Variants in EHHADH observed in about 807,000 individuals in gnomAD.
EHHADH encodes peroxisomal bifunctional enzyme.
A neutral mutation model predicts 64.4 loss-of-function variants in EHHADH; 48 were observed. The observed-to-expected ratio is 0.75, with a 90% confidence interval of 0.59 to 0.95. The LOEUF (loss-of-function observed/expected upper bound fraction) is 0.95. EHHADH is among the 40% of genes least tolerant of loss of function. The pLI, the probability that EHHADH is intolerant of heterozygous loss-of-function variation, is 0.00. For synonymous variants in EHHADH, 308 were observed against 326.7 expected, an observed-to-expected ratio of 0.94 and a Z score of 0.62; for missense variants, 854 against 876.6, an observed-to-expected ratio of 0.97 and a Z score of 0.33.
chr3:185,238,086 C>T (rs1719347164), intron 2 of EHHADH, among the ~76,000 whole-genome samples: 1 of 152,034 alleles, frequency 6.6e-6, no homozygotes, highest in Admixed American at 6.6e-5. Flanking sequence ...GGATAATGGC[C>T]TAAGGAAAGA....
At chr3:185,245,957 CCTGT>C in intron 2 of EHHADH, 1 of 1,491,746 alleles carries the variant, frequency 6.7e-7, no homozygotes, top group South Asian at 1.1e-5. Flanking sequence ...CCAAGCAGGG[CCTGT>C]CTGATTACTG....
In EHHADH at chr3:185,235,296, G is replaced by T; in HGVS notation, c.345C>A (p.His115Gln). Residue 115 changes from histidine to glutamine, a missense_variant, in exon 3 of 7, where the codon CAC becomes CAA. By Grantham distance (24) the His-to-Gln change is conservative. Transcript: ENST00000231887. ...LALGCHYRIA[H>Q]AEAQVGLPEV... is the part of the protein sequence containing the mutation. ...ATAGAGCCTTGGTTGTTACCTCTGC[G>T]TGGGCAATCCTATAGTGACAGCCCA... 1 of 1,610,374 alleles carries T rather than the reference G, an allele frequency of 6.2e-7. No homozygotes were observed. The highest frequency in any genetic ancestry group is 8.5e-7 in the Non-Finnish European group (1 of 1,178,412).
At chr3:185,229,610 T>A in intron 3 of EHHADH, 67 bp from the exon 4 acceptor site, 2 of 961,622 alleles carry the variant, frequency 2.1e-6, no homozygotes, top group Non-Finnish European at 2.9e-6. Context: ...AGGCAAGCGT[T>A]TCCCTGGATT....
chr3:185,214,767 G>C (rs1718638684), intron 5 of EHHADH, among the ~76,000 whole-genome samples: 1 of 152,134 alleles, frequency 6.6e-6, no homozygotes, highest in East Asian at 1.9e-4. Flanking sequence ...TAGCTGAATG[G>C]AGTCAGTTCA....
intron 5 of EHHADH, among the ~76,000 whole-genome samples, chr3:185,213,535 G>A (rs1204147404): frequency 6.6e-6 from 1 of 152,074 alleles, no homozygotes; most frequent in Non-Finnish European, 1.5e-5. Context: ...TTTCCTTCAA[G>A]TTAATCCATC....
intron 2 of EHHADH, among the ~76,000 whole-genome samples, chr3:185,236,188 C>A (rs866210589): frequency 6.6e-6 from 1 of 152,118 alleles, no homozygotes; most frequent in Admixed American, 6.5e-5. Context: ...CATGTGTGAG[C>A]GAGCATTACA....
At chr3:185,214,093 C>T (rs538453169) in intron 5 of EHHADH, among the ~76,000 whole-genome samples, 3 of 152,058 alleles carry the variant, frequency 2.0e-5, no homozygotes, top group Admixed American at 2.0e-4. Context: ...TGATCTCCAG[C>T]GTTTGTCTAT....
At chr3:185,231,753 A>G (rs949189347) in intron 3 of EHHADH, among the ~76,000 whole-genome samples, 1 of 152,234 alleles carries the variant, frequency 6.6e-6, no homozygotes. Context: ...AGGCAAATCT[A>G]TAGAGACAGA....
intron 5 of EHHADH, among the ~76,000 whole-genome samples, chr3:185,217,460 C>T (rs981861955): frequency 2.5e-4 from 37 of 149,516 alleles, no homozygotes; most frequent in African/African-American, 7.6e-4. Flanking sequence ...GCAAGAGAAT[C>T]ACTTGAACCC....
At chr3:185,253,781 A>T in intron 1 of EHHADH, 168 bp downstream of exon 1, 1 of 1,344,460 alleles carries the variant, frequency 7.4e-7, no homozygotes, top group Non-Finnish European at 9.6e-7. Flanking sequence ...AAAAAAGAAA[A>T]GAAAAAGAAA....
intron 2 of EHHADH, chr3:185,246,386 C>A: frequency 3.1e-6 from 2 of 636,346 alleles, no homozygotes; most frequent in Non-Finnish European, 5.0e-6. Flanking sequence ...AAGGCTTCTT[C>A]TTCTTCTTTT....
chr3:185,235,256 C>T, intron 3 of EHHADH, 34 bp downstream of exon 3: 1 of 1,550,900 alleles, frequency 6.4e-7, no homozygotes, highest in Non-Finnish European at 8.7e-7. Context: ...AAAAGCCCCA[C>T]ACACCAGCCA....
intron 3 of EHHADH, among the ~76,000 whole-genome samples, chr3:185,233,837 G>A (rs1488043659): frequency 6.6e-6 from 1 of 152,106 alleles, no homozygotes; most frequent in Admixed American, 6.5e-5. Context: ...GTAGAGACGG[G>A]GTTTCATCAT....
intron 5 of EHHADH, among the ~76,000 whole-genome samples, chr3:185,214,542 A>G (rs1305843306): frequency 1.3e-5 from 2 of 151,894 alleles, no homozygotes; most frequent in Non-Finnish European, 1.5e-5. Flanking sequence ...GAAAAGATAA[A>G]TTTTTTTTCA....
intron 4 of EHHADH, among the ~76,000 whole-genome samples, chr3:185,223,103 T>C (rs1718878831): frequency 6.6e-6 from 1 of 152,214 alleles, no homozygotes; most frequent in African/African-American, 2.4e-5. Context: ...CTTTCATTTT[T>C]TTTGCCTTGT....
intron 2 of EHHADH, 58 bp downstream of exon 2, chr3:185,248,356 T>G: frequency 8.3e-7 from 1 of 1,203,518 alleles, no homozygotes; most frequent in Middle Eastern, 1.9e-4. Context: ...AATGCAGTAT[T>G]GGTCTCAGTC....
chr3:185,242,002 T>A (rs1719466785), intron 2 of EHHADH, among the ~76,000 whole-genome samples: 2 of 152,174 alleles, frequency 1.3e-5, no homozygotes, highest in East Asian at 3.9e-4. Flanking sequence ...TCCAATTTCA[T>A]TCTCCTACAT....
chr3:185,251,601 A>C lies in EHHADH; in HGVS notation c.74+2348T>G, dbSNP rs931394801. 1.0e-4 allele frequency among the ~76,000 whole-genome samples: 10 copies of C among 97,544 alleles called. No individual in the cohort carries two copies. In the East Asian group the frequency reaches 2.4e-3, roughly 23 times the overall value. The allele number at this position is 97,544 out of a possible 152,430, so 64.0% of individuals were successfully genotyped here. A position where few individuals can be genotyped will look rare whatever the true frequency, so the allele number is the denominator to read the frequency against. On this transcript the variant is annotated intron_variant, in intron 1 of 6. Transcript: ENST00000231887. Reference sequence around the variant, plus strand: ...TTTAAACTATTTGTTTTGGGGAAAAAATTTATATGTGTGTGTGTGTGTGTG... The same window carrying C: ...TTTAAACTATTTGTTTTGGGGAAAACATTTATATGTGTGTGTGTGTGTGTG...
intron 2 of EHHADH, 140 bp from the exon 3 acceptor site, chr3:185,235,602 A>C (rs1018741380): frequency 1.2e-5 from 8 of 672,286 alleles, no homozygotes; most frequent in Non-Finnish European, 1.8e-5. Context: ...CTGATGACTA[A>C]AGTCTCAGAC....
Sources: gnomAD v4.1 joint callset for allele counts (sites outside exome capture counted in the v4.1 genomes callset) on GRCh38, gnomAD v4.1.1 for gene constraint, MANE v1.5 for transcripts, NCBI Gene and HGNC (gene_info 2026-07-23, HGNC 2026-07-21) for gene names.